CELF2: variants seen among roughly 807,000 people sequenced by gnomAD.
CELF2 encodes CUG triplet repeat RNA-binding protein 2.
In CELF2, 8 loss-of-function variants were observed where a neutral mutation model predicts 62.6. That is an observed-to-expected ratio of 0.13 (90% confidence interval 0.07 to 0.23). CELF2 has a LOEUF of 0.23. Ranked by LOEUF, CELF2 falls within the 10% of genes least tolerant of loss-of-function variation. The pLI, the probability that CELF2 is intolerant of heterozygous loss-of-function variation, is 1.00. For synonymous variants in CELF2, 258 were observed against 250.0 expected (o/e 1.03, Z -0.30); for missense variants, 333 against 671.0 (o/e 0.50, Z 5.56).
At chr10:11,118,864 C>T (rs1156492708) in intron 1 of CELF2, among the ~76,000 whole-genome samples, 1 of 152,210 alleles carries the variant, frequency 6.6e-6, no homozygotes, top group African/African-American at 2.4e-5. Flanking sequence ...CTATTTTGGT[C>T]CTGACCGATG....
rs1289605318 is a variant in CELF2, at chr10:11,300,398, C to T, written c.976+11846C>T. 6.6e-6 allele frequency among the ~76,000 whole-genome samples: 1 copy of T among 152,180 alleles called. No homozygotes were observed. Among genetic ancestry groups the T allele is most frequent in the African/African-American group, 2.4e-5 (1 of 41,430 alleles). On this transcript the variant is annotated intron_variant, in intron 9 of 12. Coordinates refer to ENST00000633077, the MANE Select transcript of CELF2 (RefSeq NM_001326342.2). This position sits in a 1 kb window ranked among gnomAD's most constrained non-coding sequence, Gnocchi z 5.5. Reference sequence around the variant, plus strand: ...GCACCAAGCCAGGTGGCATCAGCTTCCTTGGGAAGCAGAACTGGCAGCAGA... The same window carrying T: ...GCACCAAGCCAGGTGGCATCAGCTTTCTTGGGAAGCAGAACTGGCAGCAGA...
intron 7 of CELF2, among the ~76,000 whole-genome samples, chr10:11,273,357 C>G (rs1444404313): frequency 6.6e-6 from 1 of 152,156 alleles, no homozygotes; most frequent in African/African-American, 2.4e-5. Context: ...CCTAGGAGCA[C>G]GAACCTGGTC....
At chr10:10,974,518 T>C (rs1280793218) in intron 2 of CELF2, among the ~76,000 whole-genome samples, 1 of 152,170 alleles carries the variant, frequency 6.6e-6, no homozygotes, top group Non-Finnish European at 1.5e-5. Context: ...AAAAAATCTA[T>C]GAAATGTAAT....
At chr10:10,894,718 G>A (rs1392844245) in intron 1 of CELF2, among the ~76,000 whole-genome samples, 1 of 152,118 alleles carries the variant, frequency 6.6e-6, no homozygotes, top group Non-Finnish European at 1.5e-5. Flanking sequence ...AGCCTGTCAG[G>A]CATCATATTT....
At chr10:11,112,896 A>G (rs1359889730) in intron 1 of CELF2, among the ~76,000 whole-genome samples, 1 of 152,138 alleles carries the variant, frequency 6.6e-6, no homozygotes, top group African/African-American at 2.4e-5. Flanking sequence ...GCATTTCCAC[A>G]TGCGTAGCCC....
At chr10:10,505,931 C>G in the CELF2 span, among the ~76,000 whole-genome samples, 1 of 152,120 alleles carries the variant, frequency 6.6e-6, no homozygotes. Context: ...TCTCAAGTTC[C>G]CTAGATGGTC....
At chr10:11,025,611 A>C (rs116919512) in intron 1 of CELF2, among the ~76,000 whole-genome samples, 8,969 of 152,252 alleles carry the variant, frequency 0.059, 316 homozygotes, top group Middle Eastern at 0.13. Context: ...TAAATTACCC[A>C]GTCTCAGGCA....
At chr10:11,172,507 C>A (rs1030515733) in intron 2 of CELF2, among the ~76,000 whole-genome samples, 1 of 152,180 alleles carries the variant, frequency 6.6e-6, no homozygotes, top group Non-Finnish European at 1.5e-5. Context: ...TTAAATAAGC[C>A]TCCTTTAAGT....
At chr10:10,578,875 A>G in the CELF2 span, among the ~76,000 whole-genome samples, 1 of 152,152 alleles carries the variant, frequency 6.6e-6, no homozygotes, top group Admixed American at 6.6e-5. Flanking sequence ...AATGCTTGAT[A>G]CACTTTAGGT....
intron 2 of CELF2, among the ~76,000 whole-genome samples, chr10:11,212,182 C>G (rs1012817358): frequency 7.2e-5 from 11 of 152,286 alleles, no homozygotes; most frequent in African/African-American, 2.6e-4. Context: ...ATCTGGGCGT[C>G]AAAAGCATCC....
chr10:10,736,399 T>TCTTTCTTTC, the CELF2 span, among the ~76,000 whole-genome samples: 92 of 141,482 alleles, frequency 6.5e-4, no homozygotes, highest in East Asian at 0.01. Context: ...TTTCTTTCTT[T>TCTTTCTTTC]TTTTTTTTTT....
chr10:11,179,789 C>A (rs148649026), intron 2 of CELF2, among the ~76,000 whole-genome samples: 1 of 152,276 alleles, frequency 6.6e-6, no homozygotes, highest in African/African-American at 2.4e-5. Context: ...AGGTTAAGAA[C>A]AACTGCATTG....
chr10:10,640,601 G>A, the CELF2 span, among the ~76,000 whole-genome samples: 1 of 152,164 alleles, frequency 6.6e-6, no homozygotes, highest in Non-Finnish European at 1.5e-5. Context: ...TGAGTTTCTT[G>A]AGGACAGAAA....
At chr10:10,981,121 T>A (rs956697931) in intron 2 of CELF2, among the ~76,000 whole-genome samples, 2 of 152,216 alleles carry the variant, frequency 1.3e-5, no homozygotes, top group Non-Finnish European at 2.9e-5. Context: ...ATAGAGTAGG[T>A]GCCCAATAAA....
chr10:11,274,161 A>C (rs546197857), intron 7 of CELF2, among the ~76,000 whole-genome samples: 3 of 152,332 alleles, frequency 2.0e-5, no homozygotes, highest in African/African-American at 4.8e-5. Context: ...TGAATATAGG[A>C]GAAAACTATC....
rs143930791 is a variant in CELF2, at chr10:11,032,870, A to G, written c.74+14707A>G. ...AATTGTGAACAGTTAATGTATATAT[A>G]GTGAATTAGATGTTCCCCAATATGT... On this transcript the variant is annotated intron_variant, in intron 1 of 12. Coordinates refer to ENST00000633077, the MANE Select transcript of CELF2 (RefSeq NM_001326342.2). Among the ~76,000 whole-genome samples the G allele has an allele frequency of 8.0e-4, 122 of 152,340 alleles. 3 individuals are homozygous for G. In the East Asian group the frequency reaches 0.02, roughly 25 times the overall value.
the CELF2 span, among the ~76,000 whole-genome samples, chr10:10,542,565 C>T: frequency 6.6e-6 from 1 of 152,130 alleles, no homozygotes; most frequent in South Asian, 2.1e-4. Context: ...TCAGATGTGT[C>T]CTGATTGGAG....
chr10:11,120,380 C>T (rs2057486308), intron 1 of CELF2, among the ~76,000 whole-genome samples: 1 of 152,076 alleles, frequency 6.6e-6, no homozygotes, highest in Non-Finnish European at 1.5e-5. Flanking sequence ...CTGGGTTTTG[C>T]TCCTTAGTTT....
chr10:10,962,095 G>T (rs1473757981), intron 2 of CELF2, among the ~76,000 whole-genome samples: 3 of 151,972 alleles, frequency 2.0e-5, no homozygotes, highest in Admixed American at 6.6e-5. Flanking sequence ...GGGAGGGAGG[G>T]AGGAGGGAGA....
Sources: allele counts gnomAD v4.1 joint callset (sites outside exome capture counted in the v4.1 genomes callset), GRCh38; gene constraint gnomAD v4.1.1; non-coding constraint Gnocchi (gnomAD v3.1); transcripts MANE v1.5; gene names NCBI Gene and HGNC (gene_info 2026-07-23, HGNC 2026-07-21).